Variants in DCHS2 observed in about 807,000 individuals in gnomAD.
DCHS2 encodes the protein dachsous cadherin-related 2, also known as protocadherin-23.
DCHS2 carries 142 observed loss-of-function variants against 182.4 expected under a neutral mutation model. That is an observed-to-expected ratio of 0.78 (90% CI 0.68 to 0.89). The LOEUF (loss-of-function observed/expected upper bound fraction) is 0.89, where lower values mean the gene tolerates loss of function less well. DCHS2 is among the 40% of genes least tolerant of loss of function. The pLI is 0.00. For synonymous variants in DCHS2, 1,740 were observed against 1,663.3 expected, an observed-to-expected ratio of 1.05 and a Z score of -1.12; for missense variants, 4,319 against 4,198.6, an observed-to-expected ratio of 1.03 and a Z score of -0.79.
chr4:154,401,075 C>T (rs1579048869), intron 1 of DCHS2, among the ~76,000 whole-genome samples: 1 of 152,194 alleles, frequency 6.6e-6, no homozygotes, highest in Non-Finnish European at 1.5e-5. Flanking sequence ...CAGTCACTCC[C>T]ACGCCCCTAA....
chr4:154,386,994 T>C (rs1248431272), intron 1 of DCHS2, among the ~76,000 whole-genome samples: 2 of 152,140 alleles, frequency 1.3e-5, no homozygotes, highest in African/African-American at 4.8e-5. Context: ...AAGAAAACTA[T>C]CTCAAAGCAT....
At position 154,332,645 on chromosome 4, in the gene DCHS2, G is replaced by T. The variant is rs1561048504; in HGVS notation, c.3563C>A (p.Ser1188Tyr). 4.3e-6 allele frequency: 7 copies of T among 1,614,238 alleles called. No homozygotes were observed. Among genetic ancestry groups the T allele is most frequent in the South Asian group, 1.1e-5 (1 of 91,088 alleles). The change falls in exon 5 of 20, where the codon TCC becomes TAC. Residue 1188 changes from serine (S) to tyrosine (Y), a missense_variant. Transcript: ENST00000357232. ...IVRVWDENDN[S>Y]PTFLHDVLFL... ...CAACACATCATGCAAGAAGGTGGGGGAATTGTCATTCTCATCCCAGACACG... is the reference window on the plus strand; with the variant it reads ...CAACACATCATGCAAGAAGGTGGGGTAATTGTCATTCTCATCCCAGACACG...
chr4:154,307,094 C>T, intron 10 of DCHS2, among the ~76,000 whole-genome samples: 1 of 152,144 alleles, frequency 6.6e-6, no homozygotes, highest in East Asian at 1.9e-4. Context: ...CCCCAAACTT[C>T]ATACCCTTTA....
intron 13 of DCHS2, among the ~76,000 whole-genome samples, chr4:154,294,252 G>T (rs955650042): frequency 2.0e-5 from 3 of 152,096 alleles, no homozygotes; most frequent in African/African-American, 4.8e-5. Context: ...TCTTAAAATT[G>T]AATATTGTAT....
rs201245870 is a variant in DCHS2, at chr4:154,320,754, A to T, written c.4645T>A (p.Tyr1549Asn). The change falls in exon 9 of 20, where the codon TAC (tyrosine) becomes AAC (asparagine). Residue 1549 changes from tyrosine (Y) to asparagine (N), a missense_variant. By Grantham distance (143) the Tyr-to-Asn change is moderately radical (BLOSUM62 -2). Transcript: ENST00000357232. Reference protein sequence around the residue: ...GSFLNSRIQYYIESHNPGTNP... With the variant: ...GSFLNSRIQYNIESHNPGTNP... ...GTGCCAGGGTTGTGGGATTCAATGT[A>T]GTATTGTATTCTACTGTTCAAAAAA... 1.2e-6 allele frequency: 2 copies of T among 1,614,094 alleles called. No individual in the cohort carries two copies. The highest frequency in any genetic ancestry group is 4.5e-5 in the East Asian group (2 of 44,874).
chr4:154,342,650 T>A (rs375572914), intron 3 of DCHS2, among the ~76,000 whole-genome samples: 9 of 152,326 alleles, frequency 5.9e-5, no homozygotes, highest in African/African-American at 1.9e-4. Flanking sequence ...GTTTAAGTGT[T>A]ATCATGAGAT....
intron 6 of DCHS2, among the ~76,000 whole-genome samples, 164 bp downstream of exon 6, chr4:154,329,359 A>T (rs1161865994): frequency 1.3e-5 from 2 of 152,164 alleles, no homozygotes; most frequent in Admixed American, 6.5e-5. Context: ...CTTTTTAAAA[A>T]TTTTCTTTTA....
chr4:154,305,091 C>T lies in DCHS2; in HGVS notation c.5395+6G>A. 2 of 1,599,642 alleles carry T rather than the reference C, an allele frequency of 1.3e-6. No individual in the cohort carries two copies. The highest frequency in any genetic ancestry group is 1.7e-6 in the Non-Finnish European group (2 of 1,176,236). On this transcript the variant is annotated splice_donor_region_variant and intron_variant, in intron 11 of 19. Transcript: ENST00000357232. ...TATTTTTTAGCCTACTCAAAGAATC[C>T]CTTACCTCGAAGGGTGAAGACTTCT...
At chr4:154,413,289 A>G (rs1732703477) in intron 1 of DCHS2, among the ~76,000 whole-genome samples, 1 of 152,196 alleles carries the variant, frequency 6.6e-6, no homozygotes, top group African/African-American at 2.4e-5. Flanking sequence ...TCTTCTTCCA[A>G]AGTAGAAGCA....
At chr4:154,406,817 C>A (rs754069946) in intron 1 of DCHS2, among the ~76,000 whole-genome samples, 1 of 152,212 alleles carries the variant, frequency 6.6e-6, no homozygotes, top group African/African-American at 2.4e-5. Flanking sequence ...TGGCATCTGA[C>A]TGTATATCCC....
rs145861187 is a variant in DCHS2, at chr4:154,235,027, C to T, written c.9625G>A (p.Gly3209Ser). 1.9e-6 allele frequency: 3 copies of T among 1,613,958 alleles called. No individual in the cohort carries two copies. In the Admixed American group the frequency reaches 5.0e-5, roughly 27 times the overall value. ...DVRKESVFIS[G>S]DQEVRCAALS... ...GCTGCACACCTTACTTCCTGATCAC[C>T]TGAAATAAAGACAGACTCTTTTCTA... The change falls in exon 20 of 20, where the codon GGT becomes AGT. Residue 3209 changes from glycine (G) to serine (S), a missense_variant. Physicochemically the swap from Gly to Ser is moderately conservative, Grantham distance 56 (BLOSUM62 0). Coordinates refer to ENST00000357232, the MANE Select transcript of DCHS2 (RefSeq NM_001358235.2).
At chr4:154,474,992 G>A (rs1735628243) in intron 1 of DCHS2, among the ~76,000 whole-genome samples, 1 of 151,824 alleles carries the variant, frequency 6.6e-6, no homozygotes, top group African/African-American at 2.4e-5. Flanking sequence ...TGAACCAGTA[G>A]GACAATGAAT....
chr4:154,443,870 C>T (rs960099361), intron 1 of DCHS2, among the ~76,000 whole-genome samples: 5 of 152,228 alleles, frequency 3.3e-5, no homozygotes, highest in Non-Finnish European at 5.9e-5. Flanking sequence ...ATTAAAACTG[C>T]TTGTCAAGAT....
chr4:154,318,068 G>A (rs942653070), intron 9 of DCHS2, among the ~76,000 whole-genome samples: 1 of 152,006 alleles, frequency 6.6e-6, no homozygotes, highest in Admixed American at 6.6e-5. Flanking sequence ...ACCCTGCAAG[G>A]ACTCACAATG....
intron 3 of DCHS2, among the ~76,000 whole-genome samples, chr4:154,351,508 T>C (rs1206296126): frequency 6.6e-6 from 1 of 152,192 alleles, no homozygotes; most frequent in Non-Finnish European, 1.5e-5. Flanking sequence ...TCATAAACAG[T>C]TTCTTCTGAA....
Position 154,333,480 on chromosome 4 carries a change from TTG to T in DCHS2, c.2726_2727del (p.Pro909HisfsTer9). On this transcript the variant is annotated frameshift_variant, in exon 5 of 20. Coordinates refer to ENST00000357232, the MANE Select transcript of DCHS2 (RefSeq NM_001358235.2). LOFTEE classifies it high-confidence loss of function. ...KAREPLNSSE[P>X]IFYRISSGDL... The stretch of plus-strand genomic sequence containing the variant: ...TCACCAGAAGAAATCCTGTAAAAGA[TTG>T]GTTCTGAGGAGTCTGAAAAAGAGAG... The T allele has an allele frequency of 6.2e-7, 1 of 1,612,324 alleles. No homozygotes were observed. Among genetic ancestry groups the T allele is most frequent in the Non-Finnish European group, 8.5e-7 (1 of 1,179,038 alleles).
intron 1 of DCHS2, among the ~76,000 whole-genome samples, chr4:154,438,504 C>T (rs1022792891): frequency 6.6e-6 from 1 of 152,174 alleles, no homozygotes; most frequent in South Asian, 2.1e-4. Flanking sequence ...GTTATTCTCA[C>T]CTACATTTTT....
intron 1 of DCHS2, among the ~76,000 whole-genome samples, chr4:154,384,743 G>A (rs1253560964): frequency 6.6e-6 from 1 of 151,934 alleles, no homozygotes; most frequent in East Asian, 1.9e-4. Context: ...AGATTGAAGG[G>A]ATGTGGCCAC....
intron 1 of DCHS2, among the ~76,000 whole-genome samples, chr4:154,467,108 G>C (rs1735271252): frequency 6.6e-6 from 1 of 152,130 alleles, no homozygotes; most frequent in African/African-American, 2.4e-5. Flanking sequence ...ATTACATCCA[G>C]AGATCATTCC....
Sources: gnomAD v4.1 joint callset for allele counts (sites outside exome capture counted in the v4.1 genomes callset) on GRCh38, gnomAD v4.1.1 for gene constraint, MANE v1.5 for transcripts, NCBI Gene and HGNC (gene_info 2026-07-23, HGNC 2026-07-21) for gene names.